RHBDF2: variants seen among roughly 807,000 people sequenced by gnomAD.
RHBDF2 encodes inactive rhomboid protein 2.
RHBDF2 carries 38 observed loss-of-function variants against 95.2 expected under a neutral mutation model. The observed-to-expected ratio is 0.40, with a 90% CI of 0.31 to 0.52. The LOEUF is 0.52. RHBDF2 is among the 20% of genes least tolerant of loss of function. The probability of loss-of-function intolerance (pLI) is 0.56; values close to 1 mark genes in which losing one functional copy is unlikely to be tolerated. For missense variants in RHBDF2, 863 were observed against 1,137.7 expected (o/e 0.76, Z 3.47); for synonymous variants, 442 against 462.0 (o/e 0.96, Z 0.55).
At chr17:76,475,283 T>A (rs996334188) in intron 9 of RHBDF2, 142 bp from the exon 10 acceptor site, 1 of 611,830 alleles carries the variant, frequency 1.6e-6, no homozygotes, top group Admixed American at 2.8e-5. Context: ...CCAGAGGAAC[T>A]TTTAAGACGA....
chr17:76,499,100 G>C (rs1471793303), intron 1 of RHBDF2, among the ~76,000 whole-genome samples: 1 of 152,048 alleles, frequency 6.6e-6, no homozygotes, highest in African/African-American at 2.4e-5. Context: ...AAATGAAAAG[G>C]TGGGAGTTTC....
At chr17:76,497,602 C>T (rs1241372460) in intron 1 of RHBDF2, among the ~76,000 whole-genome samples, 1 of 152,232 alleles carries the variant, frequency 6.6e-6, no homozygotes, top group Admixed American at 6.5e-5. Flanking sequence ...ACCCTAACAC[C>T]ATTATCACGA....
chr17:76,483,981 G>C (rs1053010276), intron 2 of RHBDF2, among the ~76,000 whole-genome samples: 2 of 151,912 alleles, frequency 1.3e-5, no homozygotes, highest in Non-Finnish European at 2.9e-5. Context: ...CCCAGCTGTG[G>C]CCGGGCGCGG....
intron 4 of RHBDF2, 89 bp downstream of exon 4, chr17:76,479,644 C>G: frequency 1.0e-6 from 1 of 999,788 alleles, no homozygotes; most frequent in South Asian, 1.4e-5. Context: ...AGAGAGGGGA[C>G]GCAGGGACCA....
At chr17:76,474,333 C>T in intron 12 of RHBDF2, 40 bp downstream of exon 12, 3 of 1,598,298 alleles carry the variant, frequency 1.9e-6, no homozygotes, top group Non-Finnish European at 1.7e-6. Flanking sequence ...TAGTCCGGGA[C>T]CAGGGTCTGG....
chr17:76,497,857 T>C (rs570385123), intron 1 of RHBDF2, among the ~76,000 whole-genome samples: 4 of 152,252 alleles, frequency 2.6e-5, no homozygotes, highest in African/African-American at 9.6e-5. Flanking sequence ...TCCTCCTCCA[T>C]CCTTTTCTGC....
At chr17:76,491,584 T>C (rs59467367) in intron 1 of RHBDF2, among the ~76,000 whole-genome samples, 52,303 of 152,104 alleles carry the variant, frequency 0.34, 9,659 homozygotes, top group Non-Finnish European at 0.43. Flanking sequence ...TGAGAGCAGC[T>C]CCACCCTCTG....
At chr17:76,486,576 T>C (rs192207062) in intron 2 of RHBDF2, among the ~76,000 whole-genome samples, 5 of 152,048 alleles carry the variant, frequency 3.3e-5, no homozygotes, top group Non-Finnish European at 5.9e-5. Flanking sequence ...TAGCCAGATA[T>C]GGTGGTGCGT....
In RHBDF2 at chr17:76,479,231, G is replaced by A. The variant is rs372953205; in HGVS notation, c.319C>T (p.Arg107Trp). 65 of 1,608,930 alleles carry A rather than the reference G, an allele frequency of 4.0e-5. No individual in the cohort carries two copies. Among genetic ancestry groups the A allele is most frequent in the Admixed American group, 6.7e-5 (4 of 59,818 alleles). The change falls in exon 5 of 19, where the codon CGG (arginine) becomes TGG (tryptophan). Residue 107 changes from arginine (R) to tryptophan (W), a missense_variant. Arg to Trp is a moderately radical substitution (Grantham distance 101). Around this residue, in one of 2 missense-constraint regions of RHBDF2, gnomAD observed 611 missense variants for 725.5 expected, o/e 0.84. Transcript: ENST00000675367. ...FGVSGDWEGQ[R>W]QQWQRRSLHH... ...AGGCTGCGGCGCTGCCACTGCTGCC[G>A]CTGCCCCTCCCAGTCGCCGCTGACT...
chr17:76,477,994 T>C (rs1032077403), intron 6 of RHBDF2, among the ~76,000 whole-genome samples: 3 of 152,238 alleles, frequency 2.0e-5, no homozygotes, highest in African/African-American at 7.2e-5. Flanking sequence ...CCAGCTTCCG[T>C]TGGCACACCA....
chr17:76,494,353 G>A (rs2074384044), intron 1 of RHBDF2, among the ~76,000 whole-genome samples: 1 of 152,186 alleles, frequency 6.6e-6, no homozygotes, highest in African/African-American at 2.4e-5. Flanking sequence ...AAGACACAGG[G>A]GTGGGCACCA....
intron 4 of RHBDF2, 92 bp downstream of exon 4, chr17:76,479,641 G>A: frequency 2.1e-6 from 2 of 952,336 alleles, no homozygotes; most frequent in South Asian, 1.5e-5. Flanking sequence ...TCCAGAGAGG[G>A]GACGCAGGGA....
intron 9 of RHBDF2, chr17:76,476,374 G>A: frequency 6.2e-6 from 1 of 161,648 alleles, no homozygotes; most frequent in South Asian, 1.7e-4. Flanking sequence ...GCCCAGGCTG[G>A]TCTCAAACTC....
intron 16 of RHBDF2, 37 bp from the exon 17 acceptor site, chr17:76,473,142 C>T (rs753517468): frequency 6.3e-7 from 1 of 1,598,548 alleles, no homozygotes. Flanking sequence ...GCCCCAGAAG[C>T]AGGCTGAGTC....
rs1294466077 is a variant in RHBDF2 at position 76,471,378 on chromosome 17, C to CA, written c.*254dup. 6 of 510,868 alleles carry CA rather than the reference C, an allele frequency of 1.2e-5. No individual in the cohort carries two copies. Among genetic ancestry groups the CA allele is most frequent in the African/African-American group, 3.8e-5 (2 of 52,574 alleles). The allele number at this position is 510,868 out of a possible 1,614,324, so 31.6% of individuals were successfully genotyped here. A position where few individuals can be genotyped will look rare whatever the true frequency, so the allele number is the denominator to read the frequency against. ...ATATTAGGAACTGAGACCCAAGACTCAGAGAGGCAGGTGCCTTGGGTGTGC... is the reference window on the plus strand; with the variant it reads ...ATATTAGGAACTGAGACCCAAGACTCAAGAGAGGCAGGTGCCTTGGGTGTGC... On this transcript the variant is annotated 3_prime_UTR_variant, in exon 19 of 19. Transcript: ENST00000675367.
intron 1 of RHBDF2, among the ~76,000 whole-genome samples, chr17:76,500,236 G>A (rs1462100285): frequency 6.6e-6 from 1 of 152,112 alleles, no homozygotes; most frequent in Admixed American, 6.5e-5. Context: ...CCCTGAAGAT[G>A]TCTGGTAGCG....
rs374497069 is a variant in RHBDF2, at chr17:76,479,723, G to T, written c.272+10C>A. ...TGGGGGGTGCTGGGCTTGGGTGTAGGGGGGCTCACTTGCGGATGCTCTGGG... is the reference window on the plus strand; with the variant it reads ...TGGGGGGTGCTGGGCTTGGGTGTAGTGGGGCTCACTTGCGGATGCTCTGGG... On this transcript the variant is annotated intron_variant, in intron 4 of 18. Transcript: ENST00000675367. The T allele has an allele frequency of 3.7e-6, 6 of 1,601,790 alleles. No individual in the cohort carries two copies. Among genetic ancestry groups the T allele is most frequent in the Middle Eastern group, 2.1e-4 (1 of 4,856 alleles).
Position 76,471,637 on chromosome 17 carries a change from T to G in RHBDF2, c.2480A>C (p.His827Pro), listed in dbSNP as rs889687434. ...GGCAGCCGTGTGGCCCAGCGGTCAG[T>G]GCAGCACCTGGTCCAGCTCATACTT... is the stretch of plus-strand genomic sequence containing the variant. ...CEKYELDQVL[H>P] The change falls in exon 19 of 19, where the codon CAC becomes CCC. Residue 827 changes from histidine (H) to proline (P), a missense_variant. Coordinates refer to ENST00000675367, the MANE Select transcript of RHBDF2 (RefSeq NM_001005498.4). 4 of 1,597,110 alleles carry G rather than the reference T, an allele frequency of 2.5e-6. No homozygotes were observed. The African/African-American group carries it at 5.4e-5, about 21-fold the overall frequency.
At chr17:76,499,981 T>C (rs2074537820) in intron 1 of RHBDF2, among the ~76,000 whole-genome samples, 1 of 152,044 alleles carries the variant, frequency 6.6e-6, no homozygotes, top group Admixed American at 6.5e-5. Context: ...AGGCGGTGTC[T>C]CATGGCACCA....
Sources: gnomAD v4.1 joint callset for allele counts (sites outside exome capture counted in the v4.1 genomes callset) on GRCh38, gnomAD v4.1.1 for gene constraint, gnomAD v4.1.1 regional missense constraint, MANE v1.5 for transcripts, NCBI Gene and HGNC (gene_info 2026-07-23, HGNC 2026-07-21) for gene names.